The following TRMT2A variants were observed in gnomAD, a reference collection of about 807,000 sequenced individuals.
TRMT2A encodes the protein tRNA methyltransferase 2A, also known as tRNA (uracil-5-)-methyltransferase homolog A.
TRMT2A carries 60 observed loss-of-function variants against 59.3 expected under a neutral mutation model. That is an observed-to-expected ratio of 1.01 (90% CI 0.82 to 1.26). The LOEUF (loss-of-function observed/expected upper bound fraction) is 1.26. TRMT2A is among the 50% of genes most tolerant of loss of function. TRMT2A has a pLI of 0.00. For missense variants in TRMT2A, 863 were observed against 845.2 expected (o/e 1.02, Z -0.26); for synonymous variants, 403 against 353.7 (o/e 1.14, Z -1.56).
chr22:20,112,926 A>G lies in TRMT2A; in HGVS notation c.1631T>C (p.Met544Thr), dbSNP rs773533485. 1.9e-6 allele frequency: 3 copies of G among 1,613,776 alleles called. No individual in the cohort carries two copies. The highest frequency in any genetic ancestry group is 2.5e-6 in the Non-Finnish European group (3 of 1,179,986). Residue 544 changes from methionine to threonine, a missense_variant, in exon 11 of 12, where the codon ATG (methionine) becomes ACG (threonine). Physicochemically the swap from Met to Thr is moderately conservative, Grantham distance 81. Coordinates refer to ENST00000252136, the MANE Select transcript of TRMT2A (RefSeq NM_022727.6). ...LYVSCNPRAA[M>T]GNFVDLCRAP... is the part of the protein sequence containing the mutation. Reference sequence around the variant, plus strand: ...AGACACTCACTCCACAAAGTTGCCCATGGCTGCCCGGGGGTTGCATGAGAC... The same window carrying G: ...AGACACTCACTCCACAAAGTTGCCCGTGGCTGCCCGGGGGTTGCATGAGAC...
At position 20,112,260 on chromosome 22, in the gene TRMT2A, GCCCTGT is replaced by G. The variant is rs1257898345; in HGVS notation, c.*297_*302del. On this transcript the variant is annotated 3_prime_UTR_variant, in exon 12 of 12. Transcript: ENST00000252136. Reference sequence around the variant, plus strand: ...GTTTGGCCCTTTCCCTGGCACCCAGGCCCTGTGTTCAGACCCCTGGCTCTCATCACA... The same window carrying G: ...GTTTGGCCCTTTCCCTGGCACCCAGGGTTCAGACCCCTGGCTCTCATCACA... 4.7e-6 allele frequency: 2 copies of G among 427,486 alleles called. No homozygotes were observed. Among genetic ancestry groups the G allele is most frequent in the Non-Finnish European group, 8.3e-6 (2 of 240,076 alleles). 26.5% of individuals were successfully genotyped at this position (427,486 alleles called of 1,614,324 possible).
Position 20,113,209 on chromosome 22 carries a change from G to C in TRMT2A, c.1458C>G (p.Cys486Trp). The stretch of plus-strand genomic sequence containing the variant: ...TGGGCACCAGGTCCTCGGCCCTCCC[G>C]CAGTGGAACTCCACATTACTCAACT... ...DNELSNVEFHCGRAEDLVPTL... is the reference protein window; with the variant it reads ...DNELSNVEFHWGRAEDLVPTL... The change falls in exon 10 of 12, where the codon TGC becomes TGG. Residue 486 changes from cysteine to tryptophan, a missense_variant. By Grantham distance (215) the Cys-to-Trp change is radical. Coordinates refer to ENST00000252136, the MANE Select transcript of TRMT2A (RefSeq NM_022727.6). The C allele has an allele frequency of 6.3e-7, 1 of 1,574,982 alleles. No individual in the cohort carries two copies. Among genetic ancestry groups the C allele is most frequent in the East Asian group, 2.2e-5 (1 of 44,584 alleles).
Position 20,113,879 on chromosome 22 carries a change from A to G in TRMT2A, c.1234-71T>C, listed in dbSNP as rs2049925553. ...GTGCCACTGGTGCCCCGACGCCCAC[A>G]TTCCTGGTCCCTCCATCCTGCCGGG... On this transcript the variant is annotated intron_variant, in intron 7 of 11. Coordinates refer to ENST00000252136, the MANE Select transcript of TRMT2A (RefSeq NM_022727.6). 2.0e-6 allele frequency: 3 copies of G among 1,473,396 alleles called. No individual in the cohort carries two copies. In the African/African-American group the frequency reaches 4.2e-5, roughly 21 times the overall value. The allele number at this position is 1,473,396 out of a possible 1,614,324, so 91.3% of individuals were successfully genotyped here.
At chr22:20,115,542 G>T in intron 3 of TRMT2A, 95 bp from the exon 4 acceptor site, 2 of 1,564,144 alleles carry the variant, frequency 1.3e-6, no homozygotes, top group Non-Finnish European at 1.7e-6. Context: ...CAAACAAGAG[G>T]AACAGCTGAC....
At chr22:20,114,509 A>G in intron 7 of TRMT2A, 65 bp downstream of exon 7, 9 of 1,341,356 alleles carry the variant, frequency 6.7e-6, no homozygotes, top group Non-Finnish European at 8.6e-6. Context: ...TGTTCCCATC[A>G]CGTCCTGATG....
chr22:20,112,859 T>C, intron 11 of TRMT2A, 52 bp downstream of exon 11: 1 of 1,612,536 alleles, frequency 6.2e-7, no homozygotes, highest in South Asian at 1.1e-5. Context: ...CTGTGGGAGC[T>C]GGGGGCTTGG....
At chr22:20,113,328 G>C in intron 9 of TRMT2A, 94 bp from the exon 10 acceptor site, 2 of 1,516,430 alleles carry the variant, frequency 1.3e-6, no homozygotes, top group Non-Finnish European at 1.8e-6. Context: ...TTGCTCACTT[G>C]CTCTACCTGT....
Position 20,116,986 on chromosome 22 carries a change from A to G in TRMT2A, c.-80T>C. On this transcript the variant is annotated 5_prime_UTR_variant, in exon 1 of 12. Transcript: ENST00000252136. ...CTCGTCCTGGGCCTGTCACAAGGGA[A>G]GTGGCCTGTCACAAGGGAAGTGCTC... 6.7e-7 allele frequency: 1 copy of G among 1,496,252 alleles called. No individual in the cohort carries two copies. The highest frequency in any genetic ancestry group is 9.1e-7 in the Non-Finnish European group (1 of 1,101,762). The allele number at this position is 1,496,252 out of a possible 1,614,324, so 92.7% of individuals were successfully genotyped here.
In TRMT2A at chr22:20,116,871, C is replaced by T; in HGVS notation, c.24+12G>A. 1 of 1,604,028 alleles carries T rather than the reference C, an allele frequency of 6.2e-7. No individual in the cohort carries two copies. The highest frequency in any genetic ancestry group is 8.5e-7 in the Non-Finnish European group (1 of 1,175,730). ...CATCCCCGTCTCTACCCAGCGTCTC[C>T]CCGCACTCTACCTCGTTGTCGAGGT... On this transcript the variant is annotated intron_variant, in intron 1 of 11. Coordinates refer to ENST00000252136, the MANE Select transcript of TRMT2A (RefSeq NM_022727.6).
Position 20,115,719 on chromosome 22 carries a change from T to C in TRMT2A, c.661A>G (p.Asn221Asp). Reference sequence around the variant, plus strand: ...CCCTCCAGCGGGCAGCAGGCCTTGTTGTGCTTGTGCCTCTGCTCGAGCAGC... The same window carrying C: ...CCCTCCAGCGGGCAGCAGGCCTTGTCGTGCTTGTGCCTCTGCTCGAGCAGC... The part of the protein sequence containing the change: ...PWLLEQRHKH[N>D]KACCPLEGVR... Residue 221 changes from asparagine to aspartate, a missense_variant, in exon 3 of 12, where the codon AAC becomes GAC. Transcript: ENST00000252136. The C allele has an allele frequency of 6.2e-7, 1 of 1,612,994 alleles. No individual in the cohort carries two copies. The highest frequency in any genetic ancestry group is 1.1e-5 in the South Asian group (1 of 91,084).
chr22:20,115,692 C>T lies in TRMT2A; in HGVS notation c.688G>A (p.Val230Ile). ...HNKACCPLEG[V>I]RPSPQQTEYR... ...CTGACCTGCTGGGGTGATGGCCTGA[C>T]CCCCTCCAGCGGGCAGCAGGCCTTG... The change falls in exon 3 of 12, where the codon GTC becomes ATC. Residue 230 changes from valine (V) to isoleucine (I), a missense_variant. Coordinates refer to ENST00000252136, the MANE Select transcript of TRMT2A (RefSeq NM_022727.6). 1 of 1,612,954 alleles carries T rather than the reference C, an allele frequency of 6.2e-7. No individual in the cohort carries two copies.
At chr22:20,113,404 C>CCCCCCCCCCCCCCCCCTGG in intron 9 of TRMT2A, 28 bp downstream of exon 9, 2 of 1,511,272 alleles carry the variant, frequency 1.3e-6, no homozygotes, top group Non-Finnish European at 1.8e-6. Flanking sequence ...CCCCCATCCC[C>CCCCCCCCCCCCCCCCCTGG]ACCCCCACCC....
Position 20,115,697 on chromosome 22 carries a change from T to G in TRMT2A, c.683A>C (p.Glu228Ala), listed in dbSNP as rs776659853. Residue 228 changes from glutamate (E) to alanine (A), a missense_variant, in exon 3 of 12, where the codon GAG (glutamate) becomes GCG (alanine). Transcript: ENST00000252136. ...HKHNKACCPL[E>A]GVRPSPQQTE... ...CTGCTGGGGTGATGGCCTGACCCCC[T>G]CCAGCGGGCAGCAGGCCTTGTTGTG... 1 of 1,612,946 alleles carries G rather than the reference T, an allele frequency of 6.2e-7. No individual in the cohort carries two copies. The highest frequency in any genetic ancestry group is 8.5e-7 in the Non-Finnish European group (1 of 1,179,996).
chr22:20,113,358 G>C (rs1270241251), intron 9 of TRMT2A, 74 bp downstream of exon 9: 5 of 1,551,148 alleles, frequency 3.2e-6, no homozygotes, highest in Non-Finnish European at 4.4e-6. Flanking sequence ...CCCAAGCCCT[G>C]GCTGTGGCTG....
chr22:20,112,535 G>C lies in TRMT2A; in HGVS notation c.*28C>G, dbSNP rs1426376384. On this transcript the variant is annotated 3_prime_UTR_variant, in exon 12 of 12. Coordinates refer to ENST00000252136, the MANE Select transcript of TRMT2A (RefSeq NM_022727.6). ...CCCCTGGGGCCCTGGGAGCCCTTCA[G>C]CTCCTGTCCCCATAATGGGTCCTGG... 3 of 1,607,866 alleles carry C rather than the reference G, an allele frequency of 1.9e-6. No homozygotes were observed. The highest frequency in any genetic ancestry group is 2.2e-5 in the East Asian group (1 of 44,736).
Position 20,116,202 on chromosome 22 carries a change from C to T in TRMT2A, c.435G>A (p.Arg145=). 6.2e-7 allele frequency: 1 copy of T among 1,613,050 alleles called. No homozygotes were observed. Residue 145 remains arginine (R), a synonymous_variant, in exon 2 of 12, where the codon CGG becomes CGA. Coordinates refer to ENST00000252136, the MANE Select transcript of TRMT2A (RefSeq NM_022727.6). ...TCCTGGCCATGGGGTCGGCCTTGGG[C>T]CGGGCCAGGCGCACACTGAGTGGGC... ...KGRPLSVRLA[R]PKADPMARRR...
At position 20,117,003 on chromosome 22, in the gene TRMT2A, G is replaced by T. The variant is rs2050047427; in HGVS notation, c.-97C>A. On this transcript the variant is annotated 5_prime_UTR_variant, in exon 1 of 12. Transcript: ENST00000252136. ...ACAAGGGAAGTGGCCTGTCACAAGG[G>T]AAGTGCTCAGAGGGGAGGTGCTCAC... 1 of 1,476,132 alleles carries T rather than the reference G, an allele frequency of 6.8e-7. No individual in the cohort carries two copies. Among genetic ancestry groups the T allele is most frequent in the East Asian group, 2.5e-5 (1 of 40,540 alleles). The allele number at this position is 1,476,132 out of a possible 1,614,324, so 91.4% of individuals were successfully genotyped here. A position where few individuals can be genotyped will look rare whatever the true frequency, so the allele number is the denominator to read the frequency against.
intron 9 of TRMT2A, 31 bp downstream of exon 9, chr22:20,113,401 C>CCCCCCCCCCCCCCCCCCCCTTG: frequency 1.1e-6 from 1 of 893,464 alleles, no homozygotes; most frequent in Non-Finnish European, 1.8e-6. Flanking sequence ...CTGCCCCCAT[C>CCCCCCCCCCCCCCCCCCCCTTG]CCCACCCCCA....
intron 1 of TRMT2A, 45 bp downstream of exon 1, chr22:20,116,838 T>G: frequency 4.6e-5 from 35 of 753,536 alleles, no homozygotes; most frequent in Non-Finnish European, 6.3e-5. Context: ...CCCCGCCTCC[T>G]CCCACCCCAT....
Sources: allele counts gnomAD v4.1 joint callset, GRCh38; gene constraint gnomAD v4.1.1; transcripts MANE v1.5; gene names NCBI Gene and HGNC (gene_info 2026-07-23, HGNC 2026-07-21).